LRP5: variants seen among roughly 807,000 people sequenced by gnomAD.
The protein encoded by LRP5 is low-density lipoprotein receptor-related protein 5.
A neutral mutation model predicts 154.1 loss-of-function variants in LRP5; 62 were observed. The observed-to-expected ratio is 0.40, with a 90% CI of 0.33 to 0.50. The LOEUF (loss-of-function observed/expected upper bound fraction) is 0.50. Ranked by LOEUF, LRP5 falls within the 20% of genes least tolerant of loss-of-function variation. The pLI is 0.55. For synonymous variants in LRP5, 966 were observed against 1,011.5 expected, an observed-to-expected ratio of 0.96 and a Z score of 0.85; for missense variants, 1,915 against 2,336.7, an observed-to-expected ratio of 0.82 and a Z score of 3.72.
intron 5 of LRP5, among the ~76,000 whole-genome samples, chr11:68,377,051 C>G (rs1312017244): frequency 2.0e-5 from 3 of 152,146 alleles, no homozygotes; most frequent in Non-Finnish European, 4.4e-5. Flanking sequence ...GAACTCCTCA[C>G]CTGAGGTCAG....
At chr11:68,426,291 T>C in intron 16 of LRP5, 104 bp downstream of exon 16, 1 of 989,382 alleles carries the variant, frequency 1.0e-6, no homozygotes, top group Non-Finnish European at 1.5e-6. Flanking sequence ...AGCCAGGCGG[T>C]GGTCTCTGCC....
the LRP5 span, among the ~76,000 whole-genome samples, chr11:68,299,632 G>A: frequency 6.7e-6 from 1 of 149,976 alleles, no homozygotes; most frequent in African/African-American, 2.5e-5. Flanking sequence ...GCCCAGGCTG[G>A]AGTACAGTGG....
Position 68,423,797 on chromosome 11 carries a change from C to T in LRP5, c.3236+100C>T. The T allele has an allele frequency of 8.5e-7, 1 of 1,182,220 alleles. No homozygotes were observed. The highest frequency in any genetic ancestry group is 1.5e-5 in the African/African-American group (1 of 66,630). The allele number at this position is 1,182,220 out of a possible 1,614,324, so 73.2% of individuals were successfully genotyped here. On this transcript the variant is annotated intron_variant, in intron 14 of 22. Transcript: ENST00000294304. This position sits in a 1 kb window ranked among gnomAD's most constrained non-coding sequence, Gnocchi z 4.7. Reference sequence around the variant, plus strand: ...TCTCACAGGCTGGGGAGACTTTCCACCCTGGGGATCCAATGGGTGGCTTTC... The same window carrying T: ...TCTCACAGGCTGGGGAGACTTTCCATCCTGGGGATCCAATGGGTGGCTTTC...
At chr11:68,366,113 T>TGCTCC (rs2098630938) in intron 5 of LRP5, among the ~76,000 whole-genome samples, 1 of 152,064 alleles carries the variant, frequency 6.6e-6, no homozygotes, top group African/African-American at 2.4e-5. Flanking sequence ...CAGCTCGCCT[T>TGCTCC]CGGGGATGCT....
In LRP5 at chr11:68,338,385, T is replaced by C. The variant is rs570660165; in HGVS notation, c.92-9462T>C. 2.6e-3 allele frequency among the ~76,000 whole-genome samples: 394 copies of C among 152,376 alleles called. 3 individuals carry two copies. Among genetic ancestry groups the C allele is most frequent in the Middle Eastern group, 0.024 (7 of 294 alleles). On this transcript the variant is annotated intron_variant, in intron 1 of 22. Coordinates refer to ENST00000294304, the MANE Select transcript of LRP5 (RefSeq NM_002335.4). ...GCCCAGACATCTGTTATGAATTCTATATATAAATATTGGATATGCTTACAT... is the reference window on the plus strand; with the variant it reads ...GCCCAGACATCTGTTATGAATTCTACATATAAATATTGGATATGCTTACAT...
intron 5 of LRP5, among the ~76,000 whole-genome samples, chr11:68,382,329 A>G (rs2098640693): frequency 6.6e-6 from 1 of 152,186 alleles, no homozygotes; most frequent in South Asian, 2.1e-4. Flanking sequence ...TGAAGGTTCT[A>G]GGCCCATTTG....
intron 1 of LRP5, among the ~76,000 whole-genome samples, chr11:68,344,849 CTTTTTTTT>C (rs58477287): frequency 0.011 from 744 of 65,306 alleles, 3 homozygotes; most frequent in African/African-American, 0.042. Flanking sequence ...GAATCTCTCT[CTTTTTTTT>C]TTTTTTTTTT....
Position 68,390,071 on chromosome 11 carries a change from T to C in LRP5, c.1584+19T>C. On this transcript the variant is annotated intron_variant, in intron 7 of 22. Transcript: ENST00000294304. ...GATCGAGGTGAGGCTCCTGTGGACA[T>C]GTTTGATCCAGGAGGCCAGGCCCAG... The C allele has an allele frequency of 6.2e-7, 1 of 1,613,944 alleles. No individual in the cohort carries two copies. The highest frequency in any genetic ancestry group is 1.3e-5 in the African/African-American group (1 of 75,038).
At chr11:68,300,960 CT>C in the LRP5 span, among the ~76,000 whole-genome samples, 5 of 147,484 alleles carry the variant, frequency 3.4e-5, no homozygotes, top group Admixed American at 2.7e-4. Flanking sequence ...GAGTTTCGCT[CT>C]TGCTTTTGCC....
rs57069059 is a variant in LRP5, at chr11:68,409,051, GAAAAAAAAA to G, written c.2092-848_2092-840del. Among the ~76,000 whole-genome samples, 220 of 51,414 alleles carry G rather than the reference GAAAAAAAAA, an allele frequency of 4.3e-3. 7 individuals carry two copies. The highest frequency in any genetic ancestry group is 0.015 in the African/African-American group (165 of 11,002). The allele number at this position is 51,414 out of a possible 152,430, so 33.7% of individuals were successfully genotyped here. A position where few individuals can be genotyped will look rare whatever the true frequency, so the allele number is the denominator to read the frequency against. ...AGCGACAGAGCAAGACTTATCTGGG[GAAAAAAAAA>G]AAAAAAAAAAAAAATATATATATAT... is the stretch of plus-strand genomic sequence containing the variant. On this transcript the variant is annotated intron_variant, in intron 9 of 22. Coordinates refer to ENST00000294304, the MANE Select transcript of LRP5 (RefSeq NM_002335.4).
chr11:68,398,500 C>T (rs2098650792), intron 7 of LRP5, among the ~76,000 whole-genome samples: 1 of 152,180 alleles, frequency 6.6e-6, no homozygotes, highest in African/African-American at 2.4e-5. Flanking sequence ...CAGACACAGC[C>T]TCTCGGGTCT....
intron 13 of LRP5, among the ~76,000 whole-genome samples, chr11:68,422,414 C>A (rs1267567613): frequency 6.6e-6 from 1 of 152,208 alleles, no homozygotes; most frequent in East Asian, 1.9e-4. Flanking sequence ...TTGCCCCAGG[C>A]CAAATCACTC....
intron 21 of LRP5, among the ~76,000 whole-genome samples, chr11:68,443,585 A>ATATATATTT (rs1259673892): frequency 4.0e-5 from 1 of 24,828 alleles, no homozygotes; most frequent in African/African-American, 1.6e-4. Flanking sequence ...ATATATATAT[A>ATATATATTT]TTTTTTTTTT....
intron 1 of LRP5, among the ~76,000 whole-genome samples, chr11:68,340,585 G>A (rs1319318786): frequency 1.3e-5 from 2 of 152,162 alleles, no homozygotes; most frequent in Admixed American, 1.3e-4. Context: ...GAGGTCAGAG[G>A]GGTTGAGTGA....
chr11:68,314,009 G>C (rs2098590995), intron 1 of LRP5, among the ~76,000 whole-genome samples: 1 of 152,176 alleles, frequency 6.6e-6, no homozygotes. Flanking sequence ...TCTATGGACA[G>C]TTTCACCCCA....
chr11:68,445,775 G>A (rs1360994239), intron 21 of LRP5: 2 of 747,346 alleles, frequency 2.7e-6, no homozygotes, highest in Admixed American at 2.6e-5. Context: ...GACCTGGGGG[G>A]CACGTTCACG....
At chr11:68,330,317 C>T (rs549307156) in intron 1 of LRP5, among the ~76,000 whole-genome samples, 2 of 152,050 alleles carry the variant, frequency 1.3e-5, no homozygotes, top group South Asian at 2.1e-4. Flanking sequence ...TAGTGGAGGA[C>T]ACATGGCTTT....
At chr11:68,438,789 G>A in intron 20 of LRP5, 107 bp downstream of exon 20, 1 of 922,038 alleles carries the variant, frequency 1.1e-6, no homozygotes, top group Admixed American at 2.2e-5. Context: ...TTGCACATGT[G>A]GCAGACATTG....
chr11:68,443,489 C>CA (rs1171623131), intron 21 of LRP5, among the ~76,000 whole-genome samples: 438 of 21,934 alleles, frequency 0.02, 44 homozygotes, highest in African/African-American at 0.076. Flanking sequence ...GACTCTGTCT[C>CA]AAAAAAAAAA....
Sources: allele counts gnomAD v4.1 joint callset (sites outside exome capture counted in the v4.1 genomes callset), GRCh38; gene constraint gnomAD v4.1.1; non-coding constraint Gnocchi (gnomAD v3.1); transcripts MANE v1.5; gene names NCBI Gene and HGNC (gene_info 2026-07-23, HGNC 2026-07-21).